LTN1: variants seen among roughly 807,000 people sequenced by gnomAD.
LTN1 encodes E3 ubiquitin-protein ligase listerin.
LTN1 carries 88 observed loss-of-function variants against 201.2 expected under a neutral mutation model. The observed-to-expected ratio is 0.44, with a 90% CI of 0.37 to 0.52. The LOEUF is 0.52. LTN1 is among the 20% of genes least tolerant of loss of function. The pLI is 0.00. For missense variants in LTN1, 1,752 were observed against 2,038.7 expected, an observed-to-expected ratio of 0.86 and a Z score of 2.71; for synonymous variants, 645 against 713.5, an observed-to-expected ratio of 0.90 and a Z score of 1.53.
Position 28,986,973 on chromosome 21 carries a change from G to A in LTN1, c.43-39C>T. On this transcript the variant is annotated intron_variant, in intron 1 of 29. Coordinates refer to ENST00000361371, the MANE Select transcript of LTN1 (RefSeq NM_015565.3). The surrounding 1 kb of genome is among the most constrained non-coding windows in gnomAD (Gnocchi z 4.1). ...TACGGAGAAAAAAGTCAGAGTCCAG[G>A]AAGGGTTCAAAACTTAACTTTATAA... 7.1e-7 allele frequency: 1 copy of A among 1,416,178 alleles called. No homozygotes were observed. The highest frequency in any genetic ancestry group is 1.0e-6 in the Non-Finnish European group (1 of 1,000,932). The allele number at this position is 1,416,178 out of a possible 1,614,324, so 87.7% of individuals were successfully genotyped here. A position where few individuals can be genotyped will look rare whatever the true frequency, so the allele number is the denominator to read the frequency against.
intron 6 of LTN1, among the ~76,000 whole-genome samples, chr21:28,971,993 C>T (rs1238428699): frequency 6.6e-6 from 1 of 152,182 alleles, no homozygotes; most frequent in Non-Finnish European, 1.5e-5. Context: ...ATGCAATGGT[C>T]TGAATGTCTC....
rs747748432 is a variant in LTN1 at position 28,941,422 on chromosome 21, T to A, written c.4296-16A>T. 3 of 1,566,532 alleles carry A rather than the reference T, an allele frequency of 1.9e-6. No homozygotes were observed. Among genetic ancestry groups the A allele is most frequent in the South Asian group, 2.3e-5 (2 of 85,914 alleles). On this transcript the variant is annotated splice_polypyrimidine_tract_variant and intron_variant, in intron 24 of 29. Transcript: ENST00000361371. ...TGGTGGTGACCTAAGAATCAATGAT[T>A]AAACACCACAAGTTTTCTTTATAAT...
chr21:28,952,090 A>G (rs2084387270), intron 18 of LTN1, 70 bp downstream of exon 18: 1 of 787,716 alleles, frequency 1.3e-6, no homozygotes, highest in South Asian at 1.9e-5. Context: ...GAAATTATTC[A>G]TTAATTAGGG....
rs373244318 is a variant in LTN1 at position 28,982,372 on chromosome 21, C to A, written c.577-4G>T. ...TTATAAGATGATCCTGCAGCACCTACAAAGGGGGGAAATACCAAAGCCTTT... is the reference window on the plus strand; with the variant it reads ...TTATAAGATGATCCTGCAGCACCTAAAAAGGGGGGAAATACCAAAGCCTTT... On this transcript the variant is annotated splice_region_variant and splice_polypyrimidine_tract_variant and intron_variant, in intron 4 of 29. Coordinates refer to ENST00000361371, the MANE Select transcript of LTN1 (RefSeq NM_015565.3). 1 of 1,612,188 alleles carries A rather than the reference C, an allele frequency of 6.2e-7. No homozygotes were observed.
intron 6 of LTN1, among the ~76,000 whole-genome samples, chr21:28,978,994 T>G (rs990328380): frequency 6.6e-6 from 1 of 152,198 alleles, no homozygotes; most frequent in Non-Finnish European, 1.5e-5. Context: ...CAAGGTTATG[T>G]AGTAGCAGCT....
Position 28,957,445 on chromosome 21 carries a change from AATC to A in LTN1, c.2776_2778del (p.Asp926del), listed in dbSNP as rs1489158378. On this transcript the variant is annotated inframe_deletion, in exon 15 of 30. Transcript: ENST00000361371. Reference sequence around the variant, plus strand: ...TCACTCTCTAGAAGTGTATTTAGCAAATCATCAACAGCAGACAAGAGGACTTGG... The same window carrying A: ...TCACTCTCTAGAAGTGTATTTAGCAAATCAACAGCAGACAAGAGGACTTGG... 2 of 1,583,056 alleles carry A rather than the reference AATC, an allele frequency of 1.3e-6. No homozygotes were observed. The highest frequency in any genetic ancestry group is 1.7e-6 in the Non-Finnish European group (2 of 1,168,920).
At chr21:28,948,715 A>G (rs2084361006) in intron 18 of LTN1, among the ~76,000 whole-genome samples, 1 of 152,242 alleles carries the variant, frequency 6.6e-6, no homozygotes, top group African/African-American at 2.4e-5. Flanking sequence ...GCTACGTAAC[A>G]AAAATGAACA....
In LTN1 at chr21:28,967,002, T is replaced by A; in HGVS notation, c.1489A>T (p.Ile497Phe). ...GGCTCACTGATTTTCGCAACACAGA[T>A]CTCTGACAGTCTTTCCCAGAAATGT... Reference protein sequence around the residue: ...LIHFWERLSEICVAKISEPEA... With the variant: ...LIHFWERLSEFCVAKISEPEA... The change falls in exon 10 of 30, where the codon ATC becomes TTC. Residue 497 changes from isoleucine (I) to phenylalanine (F), a missense_variant. Coordinates refer to ENST00000361371, the MANE Select transcript of LTN1 (RefSeq NM_015565.3). 1 of 1,614,062 alleles carries A rather than the reference T, an allele frequency of 6.2e-7. No individual in the cohort carries two copies. Among genetic ancestry groups the A allele is most frequent in the South Asian group, 1.1e-5 (1 of 91,076 alleles).
chr21:28,932,099 A>C (rs2084215373), intron 28 of LTN1, among the ~76,000 whole-genome samples: 1 of 152,236 alleles, frequency 6.6e-6, no homozygotes, highest in Non-Finnish European at 1.5e-5. Context: ...AAGGTCTTTG[A>C]GGGTCCTGGG....
chr21:28,961,587 A>C (rs183826900), intron 11 of LTN1: 1 of 156,072 alleles, frequency 6.4e-6, no homozygotes, highest in Admixed American at 6.6e-5. Flanking sequence ...GGAAAACTTT[A>C]TCCTTTTATT....
rs1286422185 is a variant in LTN1, at chr21:28,950,690, A to G, written c.3344+1470T>C. Among the ~76,000 whole-genome samples, 4 of 151,664 alleles carry G rather than the reference A, an allele frequency of 2.6e-5. No homozygotes were observed. In the South Asian group the frequency reaches 6.2e-4, roughly 24 times the overall value. ...ACCACCACACCTAGCTAATTTTTGT[A>G]TTTTTTTGTAGAGATGTTTCGCCAT... On this transcript the variant is annotated intron_variant, in intron 18 of 29. Coordinates refer to ENST00000361371, the MANE Select transcript of LTN1 (RefSeq NM_015565.3).
At chr21:28,951,769 C>T (rs959704822) in intron 18 of LTN1, among the ~76,000 whole-genome samples, 7 of 152,110 alleles carry the variant, frequency 4.6e-5, no homozygotes, top group African/African-American at 7.2e-5. Context: ...CCCAGGAATT[C>T]AAGACCAGCC....
chr21:28,945,662 G>T, intron 21 of LTN1, 145 bp downstream of exon 21: 1 of 636,498 alleles, frequency 1.6e-6, no homozygotes, highest in Non-Finnish European at 2.5e-6. Flanking sequence ...ATAGTAGCTG[G>T]TAAGAAGAAC....
intron 1 of LTN1, among the ~76,000 whole-genome samples, chr21:28,991,957 T>A (rs914244380): frequency 6.6e-6 from 1 of 152,254 alleles, no homozygotes; most frequent in Non-Finnish European, 1.5e-5. Flanking sequence ...CTTAAGCAAG[T>A]ACTTAGTGAG....
chr21:28,935,957 G>T (rs1033319392), intron 26 of LTN1, among the ~76,000 whole-genome samples: 3 of 150,800 alleles, frequency 2.0e-5, no homozygotes, highest in African/African-American at 7.3e-5. Flanking sequence ...ATTTTAAAAA[G>T]AAGGAAAAAT....
chr21:28,988,466 C>CAAA (rs34339110), intron 1 of LTN1, among the ~76,000 whole-genome samples: 1 of 122,288 alleles, frequency 8.2e-6, no homozygotes, highest in African/African-American at 2.9e-5. Flanking sequence ...GGCTCTGTCT[C>CAAA]AAAAAAAAAA....
chr21:28,947,890 T>TA lies in LTN1; in HGVS notation c.3345-285dup, dbSNP rs35151968. On this transcript the variant is annotated intron_variant, in intron 18 of 29. Transcript: ENST00000361371. ...AGCCACATGACATTATGTCCTCTTT[T>TA]AAAAAAAAAAAAGAGTCAATTGCGG... Among the ~76,000 whole-genome samples, 1,257 of 144,310 alleles carry TA rather than the reference T, an allele frequency of 8.7e-3. 8 individuals are homozygous for TA. Among genetic ancestry groups the TA allele is most frequent in the African/African-American group, 0.013 (498 of 39,358 alleles). The allele number at this position is 144,310 out of a possible 152,430, so 94.7% of individuals were successfully genotyped here.
rs779064532 is a variant in LTN1 at position 28,971,328 on chromosome 21, G to C, written c.927C>G (p.Asp309Glu). The change falls in exon 7 of 30, where the codon GAC becomes GAG. Residue 309 changes from aspartate to glutamate, a missense_variant. Around this residue, in one of 3 missense-constraint regions of LTN1, gnomAD observed 280 missense variants for 375.7 expected, o/e 0.75. Coordinates refer to ENST00000361371, the MANE Select transcript of LTN1 (RefSeq NM_015565.3). ...CCCAGAGAGCTGGGCAGACAATTGG[G>C]TCACTGTCATCAATGCTAAGTAGAA... is the stretch of plus-strand genomic sequence containing the variant. ...PSVLLSIDDSDPIVCPALWEA... is the reference protein window; with the variant it reads ...PSVLLSIDDSEPIVCPALWEA... 1 of 1,614,058 alleles carries C rather than the reference G, an allele frequency of 6.2e-7. No homozygotes were observed. The highest frequency in any genetic ancestry group is 8.5e-7 in the Non-Finnish European group (1 of 1,179,956).
At chr21:28,982,511 G>A in intron 4 of LTN1, 143 bp from the exon 5 acceptor site, 1 of 633,678 alleles carries the variant, frequency 1.6e-6, no homozygotes, top group Admixed American at 2.9e-5. Context: ...TAGCAAAACT[G>A]AAAGGTTTGA....
Sources: allele counts gnomAD v4.1 joint callset (sites outside exome capture counted in the v4.1 genomes callset), GRCh38; gene constraint gnomAD v4.1.1; regional missense constraint gnomAD v4.1.1; non-coding constraint Gnocchi (gnomAD v3.1); transcripts MANE v1.5; gene names NCBI Gene and HGNC (gene_info 2026-07-23, HGNC 2026-07-21).